The following NBEA variants were observed in gnomAD, a reference collection of about 807,000 sequenced individuals.
The protein encoded by NBEA is neurobeachin, also known as lysosomal-trafficking regulator 2.
NBEA carries 44 observed loss-of-function variants against 343.4 expected under a neutral mutation model. That is an observed-to-expected ratio of 0.13 (90% CI 0.10 to 0.16). The LOEUF is 0.16. Ranked by LOEUF, NBEA falls within the 10% of genes least tolerant of loss-of-function variation. The probability of loss-of-function intolerance (pLI) is 1.00; values close to 1 mark genes in which losing one functional copy is unlikely to be tolerated. For missense variants in NBEA, 2,555 were observed against 3,631.3 expected, an observed-to-expected ratio of 0.70 and a Z score of 7.62; for synonymous variants, 1,175 against 1,238.7, an observed-to-expected ratio of 0.95 and a Z score of 1.08.
chr13:35,304,662 C>CT, intron 35 of NBEA, among the ~76,000 whole-genome samples: 1 of 152,226 alleles, frequency 6.6e-6, no homozygotes, highest in Non-Finnish European at 1.5e-5. Flanking sequence ...TTTTGACAGT[C>CT]TGTTACCCTG....
chr13:34,975,557 C>T (rs776374108), intron 1 of NBEA, among the ~76,000 whole-genome samples: 5 of 151,952 alleles, frequency 3.3e-5, no homozygotes, highest in Non-Finnish European at 7.4e-5. Context: ...CAGAAGCAAA[C>T]GTAACAAAAA....
At chr13:35,268,672 T>A (rs867281756) in intron 34 of NBEA, among the ~76,000 whole-genome samples, 2 of 152,108 alleles carry the variant, frequency 1.3e-5, no homozygotes, top group Admixed American at 1.3e-4. Flanking sequence ...TAATCTTGCC[T>A]CTGAACATTA....
chr13:35,654,117 C>T (rs374894592), intron 53 of NBEA, among the ~76,000 whole-genome samples: 15 of 152,272 alleles, frequency 9.9e-5, no homozygotes, highest in South Asian at 2.1e-4. Context: ...AAGGATGGTG[C>T]GCAGTAAGGG....
At chr13:34,995,980 C>A (rs1459154072) in intron 1 of NBEA, among the ~76,000 whole-genome samples, 2 of 152,194 alleles carry the variant, frequency 1.3e-5, no homozygotes, top group African/African-American at 2.4e-5. Flanking sequence ...AGAGCCTGAG[C>A]ATTTGTTAAC....
At chr13:35,082,307 C>T (rs1386810563) in intron 10 of NBEA, among the ~76,000 whole-genome samples, 1 of 152,102 alleles carries the variant, frequency 6.6e-6, no homozygotes, top group East Asian at 1.9e-4. Flanking sequence ...TTTCTTAATC[C>T]AGTCTATCAT....
intron 34 of NBEA, among the ~76,000 whole-genome samples, chr13:35,252,232 A>G (rs1443802378): frequency 1.3e-5 from 2 of 152,134 alleles, no homozygotes; most frequent in Non-Finnish European, 1.5e-5. Context: ...GAGGATCGCC[A>G]AGCAAAGGGG....
At chr13:35,396,130 G>A (rs2042734632) in intron 38 of NBEA, among the ~76,000 whole-genome samples, 1 of 152,022 alleles carries the variant, frequency 6.6e-6, no homozygotes, top group African/African-American at 2.4e-5. Flanking sequence ...CCTGGGCTGA[G>A]ATGAACCTCC....
In NBEA at chr13:35,364,880, A is replaced by G. The variant is rs117594662; in HGVS notation, c.6179+12557A>G. The stretch of plus-strand genomic sequence containing the variant: ...AAGTTCATCTTCCTTAAAACAAAAT[A>G]TAATGCAGGTGCAAAGGGAGAGGAG... On this transcript the variant is annotated intron_variant, in intron 38 of 58. Transcript: ENST00000379939. Among the ~76,000 whole-genome samples the G allele has an allele frequency of 1.3e-3, 203 of 151,944 alleles. 1 individual carries two copies. Among genetic ancestry groups the G allele is most frequent in the Non-Finnish European group, 1.0e-3 (69 of 67,780 alleles).
At chr13:35,168,938 T>C (rs753584854) in intron 24 of NBEA, 49 bp from the exon 25 acceptor site, 11 of 1,287,068 alleles carry the variant, frequency 8.5e-6, no homozygotes, top group Non-Finnish European at 1.1e-5. Flanking sequence ...ATAATTTCCT[T>C]TTCTTGTACT....
chr13:35,484,606 T>C (rs1205155059), intron 41 of NBEA, among the ~76,000 whole-genome samples: 3 of 152,000 alleles, frequency 2.0e-5, no homozygotes, highest in Non-Finnish European at 4.4e-5. Context: ...AAAAATCTCT[T>C]TATTTCATTT....
intron 38 of NBEA, among the ~76,000 whole-genome samples, chr13:35,359,227 A>G (rs541030729): frequency 6.6e-6 from 1 of 152,354 alleles, no homozygotes; most frequent in Admixed American, 6.5e-5. Flanking sequence ...CACCTTATTT[A>G]TAGCTGAGTT....
At chr13:35,388,812 G>A (rs996973783) in intron 38 of NBEA, among the ~76,000 whole-genome samples, 16 of 152,160 alleles carry the variant, frequency 1.1e-4, no homozygotes, top group Admixed American at 2.6e-4. Flanking sequence ...TGCCTTGAAG[G>A]CATTATATTT....
intron 45 of NBEA, among the ~76,000 whole-genome samples, chr13:35,573,528 A>G (rs1984282): frequency 0.069 from 10,436 of 152,246 alleles, 415 homozygotes; most frequent in African/African-American, 0.091. Context: ...TGGAGACATA[A>G]TAGGGTGACA....
chr13:35,384,526 T>C (rs1327959447), intron 38 of NBEA, among the ~76,000 whole-genome samples: 2 of 148,254 alleles, frequency 1.3e-5, no homozygotes, highest in East Asian at 3.9e-4. Context: ...ATAATCTTTT[T>C]TTTTTTTTTT....
Position 35,062,272 on chromosome 13 carries a change from A to G in NBEA, c.1239+3409A>G, listed in dbSNP as rs372369201. ...GTATGGGCTTATTAGCAGAATTAAT[A>G]TGATAGAGAAGTAAATGAACTTGAA... On this transcript the variant is annotated intron_variant, in intron 8 of 58. Transcript: ENST00000379939. Among the ~76,000 whole-genome samples, 5 of 151,924 alleles carry G rather than the reference A, an allele frequency of 3.3e-5. No individual in the cohort carries two copies. The South Asian group carries it at 1.0e-3, about 31-fold the overall frequency.
At chr13:35,115,586 T>TA (rs1249645418) in intron 13 of NBEA, among the ~76,000 whole-genome samples, 2 of 152,184 alleles carry the variant, frequency 1.3e-5, no homozygotes, top group African/African-American at 4.8e-5. Context: ...ATAGTTTACA[T>TA]AAATAGTATT....
At chr13:35,438,448 G>A (rs1177490835) in intron 39 of NBEA, among the ~76,000 whole-genome samples, 1 of 152,222 alleles carries the variant, frequency 6.6e-6, no homozygotes, top group Non-Finnish European at 1.5e-5. Flanking sequence ...AAGCTATCAA[G>A]TAATCTGACT....
At chr13:35,431,656 A>G (rs996523314) in intron 38 of NBEA, among the ~76,000 whole-genome samples, 8 of 152,184 alleles carry the variant, frequency 5.3e-5, no homozygotes, top group Admixed American at 4.6e-4. Flanking sequence ...ATTACCACAT[A>G]CTGGAAATTT....
At chr13:35,230,923 A>T (rs980995513) in intron 33 of NBEA, among the ~76,000 whole-genome samples, 8 of 152,062 alleles carry the variant, frequency 5.3e-5, no homozygotes, top group Admixed American at 2.6e-4. Flanking sequence ...CAGTCTGGTT[A>T]TACAGACTCT....
Sources: allele counts gnomAD v4.1 joint callset (sites outside exome capture counted in the v4.1 genomes callset), GRCh38; gene constraint gnomAD v4.1.1; transcripts MANE v1.5; gene names NCBI Gene and HGNC (gene_info 2026-07-23, HGNC 2026-07-21).